Variants in RANBP17 observed in about 807,000 individuals in gnomAD.
The protein encoded by RANBP17 is ran-binding protein 17.
RANBP17 carries 158 observed loss-of-function variants against 141.2 expected under a neutral mutation model. The observed-to-expected ratio is 1.12, with a 90% CI of 0.98 to 1.28. The LOEUF (loss-of-function observed/expected upper bound fraction) is 1.28. Among genes scored for constraint, RANBP17 ranks in the 50% most tolerant of loss-of-function variants. RANBP17 has a pLI of 0.00. For missense variants in RANBP17, 1,438 were observed against 1,290.7 expected (o/e 1.11, Z -1.75); for synonymous variants, 430 against 450.0 (o/e 0.96, Z 0.56).
intron 5 of RANBP17, among the ~76,000 whole-genome samples, chr5:170,898,850 G>C (rs1315112845): frequency 6.6e-6 from 1 of 152,114 alleles, no homozygotes; most frequent in Non-Finnish European, 1.5e-5. Flanking sequence ...CATTATTTCT[G>C]AGGCCTCTAT....
At chr5:170,960,592 C>T (rs1437287710) in intron 13 of RANBP17, among the ~76,000 whole-genome samples, 1 of 152,166 alleles carries the variant, frequency 6.6e-6, no homozygotes, top group Non-Finnish European at 1.5e-5. Flanking sequence ...AGTTAGTCCA[C>T]CTATCCTATC....
At chr5:171,067,796 A>C (rs775312665) in intron 14 of RANBP17, among the ~76,000 whole-genome samples, 2 of 151,992 alleles carry the variant, frequency 1.3e-5, no homozygotes, top group Non-Finnish European at 2.9e-5. Context: ...CTCAATTCTT[A>C]CTCACTACTT....
chr5:171,024,760 G>A (rs1781119985), intron 14 of RANBP17, among the ~76,000 whole-genome samples: 3 of 151,100 alleles, frequency 2.0e-5, no homozygotes, highest in African/African-American at 2.4e-5. Context: ...TAGTGTTACA[G>A]TATATTAGGG....
At position 170,914,215 on chromosome 5, in the gene RANBP17, C is replaced by G. The variant is rs1441883178; in HGVS notation, c.809C>G (p.Ser270Ter). The change falls in exon 8 of 28, where the codon TCA (serine) becomes TGA (stop). Residue 270 changes from serine to a stop codon, truncating the protein, a stop_gained. Transcript: ENST00000523189. LOFTEE classifies it high-confidence loss of function. ...GATCTTTTCTTCAATTTGTATCATT[C>G]ACTTCCACCACTACTATCTCAGTTA... is the stretch of plus-strand genomic sequence containing the variant. ...TLDLFFNLYH[S>*]LPPLLSQLAL... 2 of 1,607,816 alleles carry G rather than the reference C, an allele frequency of 1.2e-6. No homozygotes were observed. Among genetic ancestry groups the G allele is most frequent in the Non-Finnish European group, 1.7e-6 (2 of 1,174,866 alleles).
At chr5:170,984,094 T>G (rs991709237) in intron 14 of RANBP17, among the ~76,000 whole-genome samples, 2 of 151,828 alleles carry the variant, frequency 1.3e-5, no homozygotes, top group African/African-American at 4.8e-5. Flanking sequence ...GGGAAGGAGT[T>G]TTTTAAGAGT....
At chr5:171,204,671 A>G (rs1355666299) in intron 19 of RANBP17, among the ~76,000 whole-genome samples, 1 of 152,188 alleles carries the variant, frequency 6.6e-6, no homozygotes, top group Non-Finnish European at 1.5e-5. Flanking sequence ...CTTCCCAAGC[A>G]TCAACCTAAG....
In RANBP17 at chr5:171,022,025, G is replaced by A. The variant is rs144275422; in HGVS notation, c.1710+53648G>A. 3.9e-3 allele frequency among the ~76,000 whole-genome samples: 596 copies of A among 152,052 alleles called. 3 individuals carry two copies. Among genetic ancestry groups the A allele is most frequent in the African/African-American group, 0.014 (561 of 41,462 alleles). ...TTTGTTTGTTTGTTTCAATATTCAG[G>A]TCCCTCCTCTGTAGGGTTTGCTGGG... On this transcript the variant is annotated intron_variant, in intron 14 of 27. Transcript: ENST00000523189.
At chr5:170,967,595 C>T (rs1776672783) in intron 13 of RANBP17, among the ~76,000 whole-genome samples, 1 of 150,884 alleles carries the variant, frequency 6.6e-6, no homozygotes, top group Non-Finnish European at 1.5e-5. Flanking sequence ...ATCTTCAGTT[C>T]ATTTATAATT....
At chr5:170,967,124 T>G (rs573775489) in intron 13 of RANBP17, among the ~76,000 whole-genome samples, 1 of 152,242 alleles carries the variant, frequency 6.6e-6, no homozygotes, top group East Asian at 1.9e-4. Context: ...AGGAACCTCC[T>G]TATGTCTGAT....
chr5:171,060,024 G>A (rs1783699133), intron 14 of RANBP17, among the ~76,000 whole-genome samples: 2 of 38,478 alleles, frequency 5.2e-5, no homozygotes, highest in African/African-American at 1.9e-4. Flanking sequence ...TGTATCCTGA[G>A]ACTTTGCTGA....
intron 5 of RANBP17, among the ~76,000 whole-genome samples, chr5:170,907,483 A>C (rs537089520): frequency 6.6e-6 from 1 of 151,980 alleles, no homozygotes; most frequent in Admixed American, 6.6e-5. Flanking sequence ...GAGAATGACA[A>C]CTACTTATAT....
chr5:171,125,105 G>A (rs1008274149), intron 14 of RANBP17, among the ~76,000 whole-genome samples: 1 of 152,054 alleles, frequency 6.6e-6, no homozygotes, highest in Non-Finnish European at 1.5e-5. Flanking sequence ...AACCAGCCTG[G>A]TCAACATGGC....
At chr5:171,160,717 C>T (rs2127855551) in intron 14 of RANBP17, among the ~76,000 whole-genome samples, 1 of 152,250 alleles carries the variant, frequency 6.6e-6, no homozygotes, top group Non-Finnish European at 1.5e-5. Context: ...GGTTACTTTG[C>T]CTGCTTAAGT....
At chr5:171,001,265 C>A (rs538449687) in intron 14 of RANBP17, among the ~76,000 whole-genome samples, 5 of 151,908 alleles carry the variant, frequency 3.3e-5, no homozygotes, top group Non-Finnish European at 5.9e-5. Flanking sequence ...TTTGTCATAT[C>A]GAATTATTGG....
At chr5:170,917,286 T>G (rs1772053600) in intron 9 of RANBP17, among the ~76,000 whole-genome samples, 1 of 152,182 alleles carries the variant, frequency 6.6e-6, no homozygotes, top group South Asian at 2.1e-4. Context: ...AATTATGAAA[T>G]TATGTTTTCT....
At chr5:171,248,183 G>A (rs1218285280) in intron 24 of RANBP17, among the ~76,000 whole-genome samples, 3 of 152,072 alleles carry the variant, frequency 2.0e-5, no homozygotes, top group Admixed American at 6.5e-5. Flanking sequence ...TGGCTAACAC[G>A]GTGAAACCTC....
At chr5:171,297,663 A>T (rs1768899363) in intron 27 of RANBP17, among the ~76,000 whole-genome samples, 1 of 150,300 alleles carries the variant, frequency 6.7e-6, no homozygotes, top group Non-Finnish European at 1.5e-5. Flanking sequence ...GGTGGAAATT[A>T]CTTCACCTAA....
chr5:171,069,761 C>G (rs1320937210), intron 14 of RANBP17, among the ~76,000 whole-genome samples: 1 of 152,064 alleles, frequency 6.6e-6, no homozygotes, highest in Admixed American at 6.6e-5. Context: ...TAGATATTTT[C>G]AACTCATGAT....
intron 14 of RANBP17, 108 bp from the exon 15 acceptor site, chr5:171,170,022 C>T (rs1759987682): frequency 2.0e-6 from 1 of 487,934 alleles, no homozygotes; most frequent in Non-Finnish European, 3.6e-6. Context: ...CTCCCTACTT[C>T]AGTGTGGATA....
Sources: allele counts gnomAD v4.1 joint callset (sites outside exome capture counted in the v4.1 genomes callset), GRCh38; gene constraint gnomAD v4.1.1; transcripts MANE v1.5; gene names NCBI Gene and HGNC (gene_info 2026-07-23, HGNC 2026-07-21).